Variants in PTPRA observed in about 807,000 individuals in gnomAD.
PTPRA encodes the protein protein tyrosine phosphatase receptor type A.
Under a neutral mutation model 104.8 loss-of-function variants are expected in PTPRA, and 25 were observed. That is an observed-to-expected ratio of 0.24 (90% CI 0.17 to 0.33). The LOEUF is 0.33. PTPRA is among the 10% of genes least tolerant of loss of function. The pLI is 1.00. For synonymous variants in PTPRA, 323 were observed against 368.9 expected, an observed-to-expected ratio of 0.88 and a Z score of 1.43; for missense variants, 765 against 1,015.3, an observed-to-expected ratio of 0.75 and a Z score of 3.35.
intron 5 of PTPRA, among the ~76,000 whole-genome samples, chr20:2,966,853 T>C (rs2061965157): frequency 6.6e-6 from 1 of 152,228 alleles, no homozygotes; most frequent in Admixed American, 6.5e-5. Flanking sequence ...TTTATTCTTT[T>C]AATGTTACAT....
At chr20:3,021,011 G>A (rs2064841296) in intron 13 of PTPRA, among the ~76,000 whole-genome samples, 2 of 152,220 alleles carry the variant, frequency 1.3e-5, no homozygotes, top group African/African-American at 4.8e-5. Context: ...AGATTTTGTA[G>A]GTAAGATGGC....
chr20:2,902,890 A>C (rs1427196208), intron 1 of PTPRA, among the ~76,000 whole-genome samples: 1 of 152,182 alleles, frequency 6.6e-6, no homozygotes, highest in Non-Finnish European at 1.5e-5. Flanking sequence ...TGAAAATATG[A>C]AATATTATGA....
intron 1 of PTPRA, among the ~76,000 whole-genome samples, chr20:2,878,870 T>G (rs1417421257): frequency 6.6e-6 from 1 of 152,244 alleles, no homozygotes; most frequent in African/African-American, 2.4e-5. Flanking sequence ...TGCTGTGATA[T>G]AGATTATCTC....
chr20:2,882,931 T>A (rs949152669), intron 1 of PTPRA, among the ~76,000 whole-genome samples: 5 of 152,006 alleles, frequency 3.3e-5, no homozygotes, highest in African/African-American at 1.2e-4. Flanking sequence ...GGCTACAGTT[T>A]GAGTAATCCT....
At chr20:2,938,794 T>A (rs2060800323) in intron 2 of PTPRA, among the ~76,000 whole-genome samples, 1 of 152,206 alleles carries the variant, frequency 6.6e-6, no homozygotes, top group African/African-American at 2.4e-5. Context: ...TTCTATATGC[T>A]GAGTGTTTAT....
At chr20:2,864,231 T>C in the PTPRA span, 19 of 1,614,096 alleles carry the variant, frequency 1.2e-5, no homozygotes, top group Admixed American at 5.0e-5. This position sits in a 1 kb window ranked among gnomAD's most constrained non-coding sequence, Gnocchi z 5.2. Context: ...CTCCTAAAGA[T>C]GAAGAGGAGC....
At chr20:2,891,842 T>G (rs1322818961) in intron 1 of PTPRA, among the ~76,000 whole-genome samples, 1 of 152,158 alleles carries the variant, frequency 6.6e-6, no homozygotes, top group African/African-American at 2.4e-5. Flanking sequence ...CTGTGTACTT[T>G]ATAGGCCCTA....
chr20:2,871,560 G>A (rs1392153959), upstream of PTPRA, among the ~76,000 whole-genome samples: 1 of 152,206 alleles, frequency 6.6e-6, no homozygotes, highest in African/African-American at 2.4e-5. Context: ...AAATAATAGT[G>A]TAAATTAGAT....
In PTPRA at chr20:3,024,749, G is replaced by T. The variant is rs929489296; in HGVS notation, c.1614+128G>T. ...AGGCATGCCAGTGGTTAAGGAGATG[G>T]TCCTTTCCTCGTACTCTGGTAACTC... On this transcript the variant is annotated intron_variant, in intron 17 of 23. Transcript: ENST00000399903. 3.5e-5 allele frequency: 40 copies of T among 1,157,074 alleles called. No individual in the cohort carries two copies. The African/African-American group carries it at 5.1e-4, about 15-fold the overall frequency. 71.7% of individuals were successfully genotyped at this position (1,157,074 alleles called of 1,614,324 possible).
rs139167742 is a variant in PTPRA at position 2,900,126 on chromosome 20, A to G, written c.-128-23081A>G. Among the ~76,000 whole-genome samples, 727 of 118,304 alleles carry G rather than the reference A, an allele frequency of 6.1e-3. 5 individuals are homozygous for G. The highest frequency in any genetic ancestry group is 0.023 in the African/African-American group (671 of 28,858). 77.6% of individuals were successfully genotyped at this position (118,304 alleles called of 152,430 possible). On this transcript the variant is annotated intron_variant, in intron 1 of 23. Transcript: ENST00000399903. Reference sequence around the variant, plus strand: ...CTCCATCTCAAAAACAAAACAAAACAAAACGAAAAATCTGCCTCCTTTTTT... The same window carrying G: ...CTCCATCTCAAAAACAAAACAAAACGAAACGAAAAATCTGCCTCCTTTTTT...
chr20:3,023,669 C>T (rs980968890), intron 16 of PTPRA, among the ~76,000 whole-genome samples: 1 of 152,206 alleles, frequency 6.6e-6, no homozygotes, highest in Non-Finnish European at 1.5e-5. Flanking sequence ...CACCATTACC[C>T]TATAGTCCTG....
intron 2 of PTPRA, among the ~76,000 whole-genome samples, chr20:2,944,324 G>T (rs1372621345): frequency 6.6e-6 from 1 of 152,130 alleles, no homozygotes; most frequent in Non-Finnish European, 1.5e-5. Context: ...TTACAGGCGT[G>T]AGCCACCATG....
chr20:2,935,702 A>C (rs1039603321), intron 2 of PTPRA, among the ~76,000 whole-genome samples: 1 of 152,184 alleles, frequency 6.6e-6, no homozygotes, highest in African/African-American at 2.4e-5. Flanking sequence ...ATGCCACTAT[A>C]GTCAGCTAAT....
At chr20:2,976,081 T>C (rs750921088) in intron 6 of PTPRA, among the ~76,000 whole-genome samples, 2 of 152,184 alleles carry the variant, frequency 1.3e-5, no homozygotes, top group African/African-American at 4.8e-5. Flanking sequence ...AAGTGGGTAC[T>C]CTCTTCCTTT....
chr20:2,934,342 G>A (rs73581740), intron 2 of PTPRA, among the ~76,000 whole-genome samples: 3,442 of 152,088 alleles, frequency 0.023, 126 homozygotes, highest in African/African-American at 0.077. Context: ...GGGCTCAAGC[G>A]ACCTGCCCAC....
At chr20:3,033,290 T>A (rs2065611532) in intron 20 of PTPRA, among the ~76,000 whole-genome samples, 1 of 151,946 alleles carries the variant, frequency 6.6e-6, no homozygotes, top group African/African-American at 2.4e-5. Context: ...TACCACCTTC[T>A]GCCCAGTTGC....
At chr20:2,894,454 C>A (rs2058915809) in intron 1 of PTPRA, among the ~76,000 whole-genome samples, 1 of 152,106 alleles carries the variant, frequency 6.6e-6, no homozygotes, top group Non-Finnish European at 1.5e-5. Flanking sequence ...CAAGGCTGGT[C>A]TAAATGAGTT....
At chr20:2,935,878 G>A (rs1399026195) in intron 2 of PTPRA, among the ~76,000 whole-genome samples, 2 of 152,304 alleles carry the variant, frequency 1.3e-5, no homozygotes, top group East Asian at 1.9e-4. Context: ...TTAGCCGGGC[G>A]TGGCTGTGCA....
Position 3,038,286 on chromosome 20 carries a change from G to A in PTPRA, c.*153G>A, listed in dbSNP as rs994149402. ...TACCTATTAGGTGGAAATTTTATAT[G>A]TAAATGTGTTAGCACTGATAGTCCT... On this transcript the variant is annotated 3_prime_UTR_variant, in exon 24 of 24. Transcript: ENST00000399903. 9 of 656,664 alleles carry A rather than the reference G, an allele frequency of 1.4e-5. No homozygotes were observed. The highest frequency in any genetic ancestry group is 1.3e-4 in the African/African-American group (7 of 54,698). 40.7% of individuals were successfully genotyped at this position (656,664 alleles called of 1,614,324 possible).
Sources: allele counts gnomAD v4.1 joint callset (sites outside exome capture counted in the v4.1 genomes callset), GRCh38; gene constraint gnomAD v4.1.1; non-coding constraint Gnocchi (gnomAD v3.1); transcripts MANE v1.5; gene names NCBI Gene and HGNC (gene_info 2026-07-23, HGNC 2026-07-21).